The following TTC17 variants were observed in gnomAD, a reference collection of about 807,000 sequenced individuals.
TTC17 encodes the protein tetratricopeptide repeat domain 17.
A neutral mutation model predicts 143.8 loss-of-function variants in TTC17; 58 were observed. That is an observed-to-expected ratio of 0.40 (90% CI 0.33 to 0.50). The LOEUF is 0.50. TTC17 is among the 20% of genes least tolerant of loss of function. The pLI is 0.49. For missense variants in TTC17, 1,273 were observed against 1,392.5 expected (o/e 0.91, Z 1.37); for synonymous variants, 501 against 497.8 (o/e 1.01, Z -0.09).
chr11:43,405,392 A>G, intron 11 of TTC17, 122 bp from the exon 12 acceptor site: 1 of 746,932 alleles, frequency 1.3e-6, no homozygotes, highest in Non-Finnish European at 2.2e-6. Context: ...TATAGAGTCT[A>G]CCATAATCTT....
At chr11:43,451,670 A>T (rs1274332836) in intron 21 of TTC17, among the ~76,000 whole-genome samples, 1 of 152,220 alleles carries the variant, frequency 6.6e-6, no homozygotes, top group Non-Finnish European at 1.5e-5. Context: ...ATCATGAAAC[A>T]AAATATTTAC....
chr11:43,436,068 C>T (rs1947285367), intron 16 of TTC17: 1 of 1,092,974 alleles, frequency 9.1e-7, no homozygotes, highest in Non-Finnish European at 1.2e-6. Flanking sequence ...CCGGCATTGT[C>T]ACATTTTTGC....
rs1415039690 is a variant in TTC17, at chr11:43,404,133, G to A, written c.1468G>A (p.Asp490Asn). Residue 490 changes from aspartate to asparagine, a missense_variant, in exon 11 of 24, where the codon GAT becomes AAT. Asp to Asn is a conservative substitution (Grantham distance 23). Coordinates refer to ENST00000039989, the MANE Select transcript of TTC17 (RefSeq NM_018259.6). ...SILWIWGRDS[D>N]AYRDKQHILW... Reference sequence around the variant, plus strand: ...TCTCTGGATTTGGGGCAGGGACTCTGATGCATATAGGGTAAGTTAATAGAG... The same window carrying A: ...TCTCTGGATTTGGGGCAGGGACTCTAATGCATATAGGGTAAGTTAATAGAG... 6.2e-7 allele frequency: 1 copy of A among 1,611,150 alleles called. No individual in the cohort carries two copies. Among genetic ancestry groups the A allele is most frequent in the Non-Finnish European group, 8.5e-7 (1 of 1,178,966 alleles).
intron 1 of TTC17, among the ~76,000 whole-genome samples, chr11:43,366,468 T>C (rs1856347074): frequency 6.7e-6 from 1 of 149,940 alleles, no homozygotes; most frequent in Non-Finnish European, 1.5e-5. Flanking sequence ...ATAGTGCCAC[T>C]GTACTCCAGC....
chr11:43,386,667 T>G (rs1320068436), intron 2 of TTC17, among the ~76,000 whole-genome samples: 1 of 152,222 alleles, frequency 6.6e-6, no homozygotes, highest in Non-Finnish European at 1.5e-5. Flanking sequence ...AATTAAAAGA[T>G]AAGCTACAAA....
chr11:43,403,480 G>A (rs1281363245), intron 10 of TTC17, among the ~76,000 whole-genome samples: 1 of 152,096 alleles, frequency 6.6e-6, no homozygotes, highest in African/African-American at 2.4e-5. Flanking sequence ...GGCTGTATAT[G>A]TTTGTGTTCT....
chr11:43,486,993 G>T (rs1035602962), intron 21 of TTC17, among the ~76,000 whole-genome samples: 4 of 152,132 alleles, frequency 2.6e-5, no homozygotes, highest in African/African-American at 9.7e-5. Flanking sequence ...AGGCTACAGT[G>T]AGCTATGATC....
At chr11:43,393,598 C>G (rs1028811301) in intron 5 of TTC17, among the ~76,000 whole-genome samples, 3 of 152,154 alleles carry the variant, frequency 2.0e-5, no homozygotes, top group African/African-American at 4.8e-5. Flanking sequence ...TCTCTACTCT[C>G]TCTCCCCTCC....
At chr11:43,491,047 C>T (rs1253254316) in intron 22 of TTC17, 2 of 152,046 alleles carry the variant, frequency 1.3e-5, no homozygotes, top group Non-Finnish European at 2.9e-5. Flanking sequence ...CTTCTTTGTT[C>T]GTCAAGGCAA....
At chr11:43,451,771 A>AGGGGT (rs1270780185) in intron 21 of TTC17, among the ~76,000 whole-genome samples, 1 of 152,182 alleles carries the variant, frequency 6.6e-6, no homozygotes, top group African/African-American at 2.4e-5. Context: ...TGTAAAGAGG[A>AGGGGT]GGGGTTTTTT....
chr11:43,400,686 A>G (rs1468923443), intron 9 of TTC17, among the ~76,000 whole-genome samples: 3 of 152,182 alleles, frequency 2.0e-5, no homozygotes, highest in Non-Finnish European at 4.4e-5. Context: ...GTATGTGTCC[A>G]ATTTTATTTT....
intron 21 of TTC17, among the ~76,000 whole-genome samples, chr11:43,484,397 C>CA (rs927734668): frequency 6.6e-6 from 1 of 152,104 alleles, no homozygotes; most frequent in Non-Finnish European, 1.5e-5. Context: ...ATAAATCTTA[C>CA]AAAAGTTATC....
intron 21 of TTC17, among the ~76,000 whole-genome samples, chr11:43,462,406 T>C (rs1370430877): frequency 6.6e-6 from 1 of 152,206 alleles, no homozygotes; most frequent in Non-Finnish European, 1.5e-5. Context: ...AGACAGAGAC[T>C]TAATCCTGAA....
chr11:43,447,223 T>C (rs533358246), intron 18 of TTC17, among the ~76,000 whole-genome samples: 1 of 151,958 alleles, frequency 6.6e-6, no homozygotes, highest in Non-Finnish European at 1.5e-5. Flanking sequence ...CTTAACCACA[T>C]GAGGTTAAAA....
chr11:43,402,075 AC>A (rs1191329922), intron 10 of TTC17, among the ~76,000 whole-genome samples: 2 of 152,134 alleles, frequency 1.3e-5, no homozygotes, highest in Non-Finnish European at 2.9e-5. Context: ...TGTTATGTTT[AC>A]GAAGTCAGAT....
intron 2 of TTC17, among the ~76,000 whole-genome samples, chr11:43,388,104 A>G (rs994470965): frequency 1.3e-5 from 2 of 152,202 alleles, no homozygotes; most frequent in African/African-American, 2.4e-5. Context: ...AATTTTTCAC[A>G]TGTATACAAG....
intron 16 of TTC17, among the ~76,000 whole-genome samples, chr11:43,440,626 T>G (rs934955610): frequency 6.6e-6 from 1 of 152,222 alleles, no homozygotes; most frequent in East Asian, 1.9e-4. Flanking sequence ...CTAATTGGTC[T>G]CTTTGTCTTC....
At position 43,427,913 on chromosome 11, in the gene TTC17, C is replaced by T. The variant is rs181432499; in HGVS notation, c.2251+13137C>T. Among the ~76,000 whole-genome samples, 371 of 152,242 alleles carry T rather than the reference C, an allele frequency of 2.4e-3. 3 individuals are homozygous for T. Among genetic ancestry groups the T allele is most frequent in the African/African-American group, 8.6e-3 (358 of 41,540 alleles). On this transcript the variant is annotated intron_variant, in intron 16 of 23. Coordinates refer to ENST00000039989, the MANE Select transcript of TTC17 (RefSeq NM_018259.6). ...GATGATATTTCAAGTCTGAACTACTCAGATAACTAAGTATTAAATGTAATA... is the reference window on the plus strand; with the variant it reads ...GATGATATTTCAAGTCTGAACTACTTAGATAACTAAGTATTAAATGTAATA...
intron 11 of TTC17, 142 bp downstream of exon 11, chr11:43,404,286 G>T: frequency 1.3e-6 from 1 of 758,498 alleles, no homozygotes; most frequent in Non-Finnish European, 1.9e-6. Flanking sequence ...TCTATTAAAT[G>T]GAAGCTATTC....
Sources: gnomAD v4.1 joint callset for allele counts (sites outside exome capture counted in the v4.1 genomes callset) on GRCh38, gnomAD v4.1.1 for gene constraint, MANE v1.5 for transcripts, NCBI Gene and HGNC (gene_info 2026-07-23, HGNC 2026-07-21) for gene names.